AFAP1: variants seen among roughly 807,000 people sequenced by gnomAD.
AFAP1 encodes actin filament associated protein 1.
Under a neutral mutation model 93.9 loss-of-function variants are expected in AFAP1, and 75 were observed. The observed-to-expected ratio is 0.80, with a 90% confidence interval of 0.66 to 0.97. AFAP1 has a LOEUF of 0.97. AFAP1 is among the 50% of genes least tolerant of loss of function. The probability of loss-of-function intolerance (pLI) is 0.00; values close to 1 mark genes in which losing one functional copy is unlikely to be tolerated. For synonymous variants in AFAP1, 517 were observed against 430.7 expected, an observed-to-expected ratio of 1.20 and a Z score of -2.48; for missense variants, 1,201 against 1,050.8, an observed-to-expected ratio of 1.14 and a Z score of -1.98.
At chr4:7,862,978 G>A (rs373978143) in intron 3 of AFAP1, among the ~76,000 whole-genome samples, 2 of 152,182 alleles carry the variant, frequency 1.3e-5, no homozygotes, top group Non-Finnish European at 2.9e-5. Flanking sequence ...CTGGGCAGTG[G>A]GTCACGGCAG....
chr4:7,777,540 C>T (rs892230835), intron 14 of AFAP1: 3 of 152,218 alleles, frequency 2.0e-5, no homozygotes, highest in Admixed American at 6.5e-5. Flanking sequence ...AATGTCGGCA[C>T]GTGTCGGTAT....
chr4:7,802,602 T>C (rs1056697278), intron 9 of AFAP1, among the ~76,000 whole-genome samples: 1 of 151,736 alleles, frequency 6.6e-6, no homozygotes, highest in Admixed American at 6.6e-5. Flanking sequence ...TTCTGCAAAA[T>C]GCTATTTGTA....
At chr4:7,825,954 TAAAA>T (rs56032709) in intron 6 of AFAP1, among the ~76,000 whole-genome samples, 13 of 133,796 alleles carry the variant, frequency 9.7e-5, no homozygotes, top group African/African-American at 3.6e-4. Flanking sequence ...TGGATATGCT[TAAAA>T]AAAAAAAAAA....
At chr4:7,777,209 T>C (rs1211499219) in intron 14 of AFAP1, 1 of 151,752 alleles carries the variant, frequency 6.6e-6, no homozygotes, top group East Asian at 1.9e-4. Context: ...CTAAAAGAGG[T>C]GAAAGTAAAT....
chr4:7,934,413 C>A (rs1416186025), intron 1 of AFAP1, among the ~76,000 whole-genome samples: 1 of 152,222 alleles, frequency 6.6e-6, no homozygotes, highest in Non-Finnish European at 1.5e-5. Context: ...GCTTCTAGAA[C>A]GGTGCCCCTG....
chr4:7,786,115 C>A, intron 12 of AFAP1, 79 bp downstream of exon 12: 1 of 1,341,722 alleles, frequency 7.5e-7, no homozygotes, highest in South Asian at 1.2e-5. Flanking sequence ...GACCTGAAAC[C>A]AGGGGAACTG....
intron 1 of AFAP1, among the ~76,000 whole-genome samples, chr4:7,900,422 A>T (rs1304102299): frequency 9.5e-6 from 1 of 105,118 alleles, no homozygotes; most frequent in African/African-American, 3.4e-5. Flanking sequence ...GTTGTATGCT[A>T]AAATAAATGA....
chr4:7,842,256 A>AACT (rs34775056), intron 5 of AFAP1, among the ~76,000 whole-genome samples: 20,586 of 148,048 alleles, frequency 0.14, 1,666 homozygotes, highest in Middle Eastern at 0.2. Context: ...GAACTTAGTA[A>AACT]AACAAAAAAA....
intron 8 of AFAP1, among the ~76,000 whole-genome samples, chr4:7,811,752 AC>A (rs1720066783): frequency 6.6e-6 from 1 of 152,068 alleles, no homozygotes; most frequent in South Asian, 2.1e-4. Flanking sequence ...CCCTGGCGGC[AC>A]CCGGGTCTTG....
intron 1 of AFAP1, among the ~76,000 whole-genome samples, chr4:7,931,097 G>A (rs1263684444): frequency 6.6e-6 from 1 of 152,134 alleles, no homozygotes; most frequent in Non-Finnish European, 1.5e-5. Context: ...AAAAACGTGG[G>A]CAACAGGAGG....
intron 3 of AFAP1, among the ~76,000 whole-genome samples, chr4:7,864,259 C>T (rs995026596): frequency 2.0e-5 from 3 of 152,158 alleles, no homozygotes; most frequent in Admixed American, 6.5e-5. Context: ...GCAGAGCTAC[C>T]TGCAACGCTC....
chr4:7,917,331 C>T (rs1428453632), intron 1 of AFAP1, among the ~76,000 whole-genome samples: 1 of 152,080 alleles, frequency 6.6e-6, no homozygotes, highest in African/African-American at 2.4e-5. Flanking sequence ...TTTATCAGTA[C>T]TATTTTGTTT....
intron 5 of AFAP1, among the ~76,000 whole-genome samples, chr4:7,839,048 A>T (rs1002511190): frequency 6.6e-5 from 10 of 152,178 alleles, no homozygotes; most frequent in African/African-American, 2.4e-4. Context: ...ATAAATAAAA[A>T]CATAGGCTGG....
At chr4:7,893,557 G>C (rs1426732457) in intron 1 of AFAP1, among the ~76,000 whole-genome samples, 1 of 141,550 alleles carries the variant, frequency 7.1e-6, no homozygotes, top group Non-Finnish European at 1.5e-5. Context: ...CTTCAGCCTG[G>C]GCGACAGAGT....
chr4:7,853,674 C>T (rs1560200524), intron 4 of AFAP1, among the ~76,000 whole-genome samples: 1 of 152,296 alleles, frequency 6.6e-6, no homozygotes. Flanking sequence ...TTGGCTTCTC[C>T]GATAAGACCA....
Position 7,838,610 on chromosome 4 carries a change from T to G in AFAP1, c.640A>C (p.Lys214Gln), listed in dbSNP as rs772163986. 9.3e-6 allele frequency: 15 copies of G among 1,613,974 alleles called. No individual in the cohort carries two copies. Among genetic ancestry groups the G allele is most frequent in the Admixed American group, 5.0e-5 (3 of 59,996 alleles). ...TYIPKDSKKK[K>Q]HELKITQQGT... ...TGCTGAGTAATCTTCAGCTCGTGCT[T>G]CTTCTTTTTGCTGTCTTTCGGGATG... The change falls in exon 6 of 18, where the codon AAG becomes CAG. Residue 214 changes from lysine to glutamine, a missense_variant. Physicochemically the swap from Lys to Gln is moderately conservative, Grantham distance 53. Coordinates refer to ENST00000420658, the MANE Select transcript of AFAP1 (RefSeq NM_001134647.2).
intron 1 of AFAP1, among the ~76,000 whole-genome samples, chr4:7,914,039 G>A (rs1489475999): frequency 6.6e-6 from 1 of 151,744 alleles, no homozygotes; most frequent in African/African-American, 2.4e-5. Flanking sequence ...CTTCCTTCAA[G>A]TATCTGGAAC....
chr4:7,763,723 G>T lies in AFAP1; in HGVS notation c.*42C>A. The T allele has an allele frequency of 6.4e-7, 1 of 1,551,228 alleles. No individual in the cohort carries two copies. On this transcript the variant is annotated 3_prime_UTR_variant, in exon 18 of 18. Coordinates refer to ENST00000420658, the MANE Select transcript of AFAP1 (RefSeq NM_001134647.2). Reference sequence around the variant, plus strand: ...GTCACACAGATGAGGATACAGGCAAGGGGGTGTGCAGTCTCTGAGGCTGGA... The same window carrying T: ...GTCACACAGATGAGGATACAGGCAATGGGGTGTGCAGTCTCTGAGGCTGGA...
intron 1 of AFAP1, among the ~76,000 whole-genome samples, chr4:7,932,436 T>C (rs1394866754): frequency 1.3e-5 from 2 of 152,186 alleles, no homozygotes; most frequent in African/African-American, 4.8e-5. Flanking sequence ...TGAATCGCTG[T>C]TGGGTTGATT....
Sources: allele counts gnomAD v4.1 joint callset (sites outside exome capture counted in the v4.1 genomes callset), GRCh38; gene constraint gnomAD v4.1.1; transcripts MANE v1.5; gene names NCBI Gene and HGNC (gene_info 2026-07-23, HGNC 2026-07-21).